KIF20B: variants seen among roughly 807,000 people sequenced by gnomAD.
The protein encoded by KIF20B is kinesin-like protein KIF20B.
A neutral mutation model predicts 232.5 loss-of-function variants in KIF20B; 188 were observed. The ratio of observed to expected loss-of-function variants is 0.81; its 90% CI spans 0.72 to 0.91. The LOEUF is 0.91. Among genes scored for constraint, KIF20B ranks in the 40% least tolerant of loss-of-function variants. The probability of loss-of-function intolerance (pLI) is 0.00; values close to 1 mark genes in which losing one functional copy is unlikely to be tolerated. For synonymous variants in KIF20B, 712 were observed against 683.0 expected (o/e 1.04, Z -0.66); for missense variants, 2,154 against 2,055.9 (o/e 1.05, Z -0.92).
In KIF20B at chr10:89,737,862, C is replaced by T. The variant is rs576393674; in HGVS notation, c.3021C>T (p.Leu1007=). 1.2e-6 allele frequency: 2 copies of T among 1,613,232 alleles called. No individual in the cohort carries two copies. Among genetic ancestry groups the T allele is most frequent in the African/African-American group, 1.3e-5 (1 of 74,914 alleles). The change falls in exon 20 of 33, where the codon CTC becomes CTT. Residue 1007 remains leucine, a synonymous_variant. Coordinates refer to ENST00000371728, the MANE Select transcript of KIF20B (RefSeq NM_001284259.2). ...SVSQISNIDL[L]NLRDLSNGSE... is the part of the protein sequence containing the mutation. ...CTCAGATTTCAAACATAGATTTGCT[C>T]AATCTCAGGGATCTGTCAAATGGTT...
chr10:89,762,888 G>T, intron 29 of KIF20B, 53 bp downstream of exon 29: 1 of 1,337,296 alleles, frequency 7.5e-7, no homozygotes, highest in Non-Finnish European at 1.1e-6. Flanking sequence ...TTATAAAGCT[G>T]TTATAGTATA....
intron 26 of KIF20B, among the ~76,000 whole-genome samples, chr10:89,757,040 G>GTATGTGTATATATATATATATATATA (rs1554852904): frequency 1.8e-5 from 2 of 110,748 alleles, no homozygotes; most frequent in Non-Finnish European, 3.7e-5. Context: ...GTGTGTGTGT[G>GTATGTGTATATATATATATATATATA]TATATATATA....
In KIF20B at chr10:89,738,058, A is replaced by C. The variant is rs777744964; in HGVS notation, c.3217A>C (p.Lys1073Gln). The C allele has an allele frequency of 9.3e-6, 15 of 1,612,854 alleles. No individual in the cohort carries two copies. The highest frequency in any genetic ancestry group is 1.1e-5 in the Non-Finnish European group (13 of 1,179,428). Reference protein sequence around the residue: ...ECKEIVKASSKKSHQIEELEQ... With the variant: ...ECKEIVKASSQKSHQIEELEQ... Reference sequence around the variant, plus strand: ...TAAAGAGATTGTGAAGGCCTCTTCCAAAAAAAGTCATCAGATTGAGGAACT... The same window carrying C: ...TAAAGAGATTGTGAAGGCCTCTTCCCAAAAAAGTCATCAGATTGAGGAACT... The change falls in exon 20 of 33, where the codon AAA becomes CAA. Residue 1073 changes from lysine (K) to glutamine (Q), a missense_variant. Lys to Gln is a moderately conservative substitution (Grantham distance 53, BLOSUM62 1). Coordinates refer to ENST00000371728, the MANE Select transcript of KIF20B (RefSeq NM_001284259.2).
intron 13 of KIF20B, among the ~76,000 whole-genome samples, chr10:89,722,961 T>C (rs1476683231): frequency 2.6e-5 from 4 of 152,212 alleles, no homozygotes; most frequent in African/African-American, 7.2e-5. Flanking sequence ...TAGGTTATCA[T>C]TGATTACGGT....
chr10:89,762,744 A>C lies in KIF20B; in HGVS notation c.4898A>C (p.Asn1633Thr). 1 of 1,613,552 alleles carries C rather than the reference A, an allele frequency of 6.2e-7. No individual in the cohort carries two copies. Among genetic ancestry groups the C allele is most frequent in the Non-Finnish European group, 8.5e-7 (1 of 1,179,658 alleles). Residue 1633 changes from asparagine to threonine, a missense_variant, in exon 29 of 33, where the codon AAC becomes ACC. Asn to Thr is a moderately conservative substitution (Grantham distance 65). Coordinates refer to ENST00000371728, the MANE Select transcript of KIF20B (RefSeq NM_001284259.2). ...LEIQFTPLQP[N>T]KMAVKHPGCT... ...ATTCAATTTACACCTTTACAGCCAAACAAAATGGCAGTGAAACACCCTGGT... is the reference window on the plus strand; with the variant it reads ...ATTCAATTTACACCTTTACAGCCAACCAAAATGGCAGTGAAACACCCTGGT...
chr10:89,716,499 A>G lies in KIF20B; in HGVS notation c.1004A>G (p.Lys335Arg). ...EAYRLLKLGI[K>R]HQSVAFTKLN... ...TATAGACTTTTAAAACTAGGAATAA[A>G]GCACCAGAGTGTTGCCTTCACAAAA... The change falls in exon 9 of 33, where the codon AAG becomes AGG. Residue 335 changes from lysine to arginine, a missense_variant. Physicochemically the swap from Lys to Arg is conservative, Grantham distance 26. Transcript: ENST00000371728. The G allele has an allele frequency of 6.3e-7, 1 of 1,596,088 alleles. No homozygotes were observed. Among genetic ancestry groups the G allele is most frequent in the South Asian group, 1.1e-5 (1 of 88,746 alleles).
Position 89,729,184 on chromosome 10 carries a change from A to G in KIF20B, c.2328A>G (p.Lys776=). 1 of 1,478,376 alleles carries G rather than the reference A, an allele frequency of 6.8e-7. No individual in the cohort carries two copies. 91.6% of individuals were successfully genotyped at this position (1,478,376 alleles called of 1,614,324 possible). ...AATTGATAAATATAATTGATCAAAA[A>G]GAAGATACTATCAACGAATTTCAGA... The part of the protein sequence containing the change: ...IKELINIIDQ[K]EDTINEFQNL... Residue 776 remains lysine (K), a synonymous_variant, in exon 18 of 33, where the codon AAA becomes AAG. Coordinates refer to ENST00000371728, the MANE Select transcript of KIF20B (RefSeq NM_001284259.2).
chr10:89,754,109 T>C (rs1003461222), intron 25 of KIF20B, among the ~76,000 whole-genome samples: 1 of 151,122 alleles, frequency 6.6e-6, no homozygotes, highest in African/African-American at 2.4e-5. Flanking sequence ...CAAGTTATTT[T>C]TTATTTGGCA....
At position 89,717,422 on chromosome 10, in the gene KIF20B, A is replaced by G; in HGVS notation, c.1053-2A>G. 1 of 1,547,258 alleles carries G rather than the reference A, an allele frequency of 6.5e-7. No individual in the cohort carries two copies. On this transcript the variant is annotated splice_acceptor_variant, in intron 9 of 32. Transcript: ENST00000371728. LOFTEE classifies it high-confidence loss of function. ...AGATAACATTTGATCTTTGTATTTCAGTCACAGCATATTCACTGTTAAAAT... is the reference window on the plus strand; with the variant it reads ...AGATAACATTTGATCTTTGTATTTCGGTCACAGCATATTCACTGTTAAAAT...
rs115565402 is a variant in KIF20B at position 89,736,217 on chromosome 10, C to G, written c.2546-1170C>G. Among the ~76,000 whole-genome samples the G allele has an allele frequency of 3.0e-3, 459 of 152,168 alleles. 3 individuals carry two copies. The highest frequency in any genetic ancestry group is 0.01 in the African/African-American group (429 of 41,510). On this transcript the variant is annotated intron_variant, in intron 19 of 32. Coordinates refer to ENST00000371728, the MANE Select transcript of KIF20B (RefSeq NM_001284259.2). ...TAAAAACGAAGAGTCAGATTCTGGC[C>G]TGTTTTGAAGTAAGGTTTCGAGGAT...
chr10:89,731,363 A>G (rs1018489150), intron 18 of KIF20B, among the ~76,000 whole-genome samples: 1 of 152,206 alleles, frequency 6.6e-6, no homozygotes, highest in African/African-American at 2.4e-5. Flanking sequence ...AATAAACTTT[A>G]TAGATTCTAG....
Position 89,711,092 on chromosome 10 carries a change from C to A in KIF20B, c.622C>A (p.Gln208Lys). Residue 208 changes from glutamine to lysine, a missense_variant, in exon 6 of 33, where the codon CAA (glutamine) becomes AAA (lysine). Gln to Lys is a moderately conservative substitution (Grantham distance 53). Coordinates refer to ENST00000371728, the MANE Select transcript of KIF20B (RefSeq NM_001284259.2). The part of the protein sequence containing the change: ...SREYLRLSSE[Q>K]EKEEIASKSA... Reference sequence around the variant, plus strand: ...AGAATACTTAAGGTTATCATCAGAACAAGAGAAAGAAGAAATTGCTAGCAA... The same window carrying A: ...AGAATACTTAAGGTTATCATCAGAAAAAGAGAAAGAAGAAATTGCTAGCAA... The A allele has an allele frequency of 1.3e-6, 2 of 1,576,926 alleles. No individual in the cohort carries two copies. The highest frequency in any genetic ancestry group is 1.8e-5 in the Admixed American group (1 of 54,212).
At chr10:89,726,782 TTA>T (rs1843196182) in intron 16 of KIF20B, among the ~76,000 whole-genome samples, 2 of 152,110 alleles carry the variant, frequency 1.3e-5, no homozygotes, top group African/African-American at 4.8e-5. Flanking sequence ...AGTGTTAACT[TTA>T]TGAGTAAAGC....
intron 21 of KIF20B, 127 bp downstream of exon 21, chr10:89,739,223 C>G: frequency 9.9e-7 from 1 of 1,007,380 alleles, no homozygotes; most frequent in Middle Eastern, 3.1e-4. Context: ...CTTAAAATTA[C>G]AAGAACAGTT....
chr10:89,745,384 G>C (rs932008953), intron 22 of KIF20B, among the ~76,000 whole-genome samples: 1 of 152,022 alleles, frequency 6.6e-6, no homozygotes, highest in Non-Finnish European at 1.5e-5. Flanking sequence ...TTAGCCAGGC[G>C]TGGTGGCACA....
chr10:89,734,100 G>C (rs1841588777), intron 19 of KIF20B, among the ~76,000 whole-genome samples: 1 of 152,000 alleles, frequency 6.6e-6, no homozygotes, highest in African/African-American at 2.4e-5. Flanking sequence ...GAGAGCTAGG[G>C]GATTTTAATT....
intron 31 of KIF20B, among the ~76,000 whole-genome samples, chr10:89,770,604 T>C (rs564627498): frequency 2.0e-5 from 3 of 149,178 alleles, no homozygotes; most frequent in African/African-American, 7.5e-5. Flanking sequence ...TTGACATACA[T>C]TTTTTTTTTC....
chr10:89,716,396 G>A (rs1842934419), intron 8 of KIF20B, 40 bp from the exon 9 acceptor site: 1 of 849,774 alleles, frequency 1.2e-6, no homozygotes, highest in Non-Finnish European at 1.9e-6. Context: ...CACATTCTTT[G>A]TCTCAATAAA....
rs1362725508 is a variant in KIF20B at position 89,768,872 on chromosome 10, A to G, written c.5226A>G (p.Ser1742=). 1 of 1,592,522 alleles carries G rather than the reference A, an allele frequency of 6.3e-7. No individual in the cohort carries two copies. The change falls in exon 31 of 33, where the codon TCA becomes TCG. Residue 1742 remains serine, a synonymous_variant. Coordinates refer to ENST00000371728, the MANE Select transcript of KIF20B (RefSeq NM_001284259.2). ...GAGACTTCTTACAACATTCTCCCTC[A>G]ATTCTTCAATCAAAAGGTTTGCAGA... is the stretch of plus-strand genomic sequence containing the variant. ...KFGDFLQHSP[S]ILQSKAKKII...
Sources: gnomAD v4.1 joint callset for allele counts (sites outside exome capture counted in the v4.1 genomes callset) on GRCh38, gnomAD v4.1.1 for gene constraint, MANE v1.5 for transcripts, NCBI Gene and HGNC (gene_info 2026-07-23, HGNC 2026-07-21) for gene names.